TMEM132D: variants seen among roughly 807,000 people sequenced by gnomAD.
The protein encoded by TMEM132D is transmembrane protein 132D, also known as mature OL transmembrane protein.
Under a neutral mutation model 62.3 loss-of-function variants are expected in TMEM132D, and 21 were observed. The ratio of observed to expected loss-of-function variants is 0.34; its 90% CI spans 0.24 to 0.49. TMEM132D has a LOEUF of 0.49. TMEM132D is among the 20% of genes least tolerant of loss of function. The pLI, the probability that TMEM132D is intolerant of heterozygous loss-of-function variation, is 0.99. For synonymous variants in TMEM132D, 621 were observed against 575.6 expected (o/e 1.08, Z -1.13); for missense variants, 1,346 against 1,402.8 (o/e 0.96, Z 0.65).
At chr12:129,782,527 A>T (rs116074565) in intron 1 of TMEM132D, among the ~76,000 whole-genome samples, 2,046 of 152,348 alleles carry the variant, frequency 0.013, 55 homozygotes, top group African/African-American at 0.047. Context: ...ATGCTTACAA[A>T]GGCCCTAAAA....
chr12:129,669,780 A>T (rs1432876984), intron 2 of TMEM132D, among the ~76,000 whole-genome samples: 1 of 152,056 alleles, frequency 6.6e-6, no homozygotes, highest in Non-Finnish European at 1.5e-5. Flanking sequence ...TCATCCTAGG[A>T]CTCATTATTT....
At chr12:129,163,252 G>A (rs534738599) in intron 5 of TMEM132D, among the ~76,000 whole-genome samples, 2 of 152,340 alleles carry the variant, frequency 1.3e-5, no homozygotes, top group African/African-American at 4.8e-5. Flanking sequence ...AGCTAACAAT[G>A]CTAAAACAGC....
chr12:129,606,318 G>C (rs1463055373), intron 2 of TMEM132D, among the ~76,000 whole-genome samples: 1 of 152,130 alleles, frequency 6.6e-6, no homozygotes, highest in African/African-American at 2.4e-5. Context: ...CCTTGAGTAG[G>C]GCTTGGGGAA....
intron 3 of TMEM132D, among the ~76,000 whole-genome samples, chr12:129,422,095 T>TAAAAAAAAAAAAAAAAA (rs10633587): frequency 7.2e-6 from 1 of 139,540 alleles, no homozygotes; most frequent in African/African-American, 2.7e-5. Context: ...ACAGCAATGT[T>TAAAAAAAAAAAAAAAAA]AAAAAAAAAA....
chr12:129,411,780 T>A (rs1404200522), intron 3 of TMEM132D, among the ~76,000 whole-genome samples: 1 of 152,228 alleles, frequency 6.6e-6, no homozygotes, highest in Non-Finnish European at 1.5e-5. Context: ...TGTGACATCA[T>A]CATCTCGCTT....
At chr12:129,408,884 A>T (rs1307783066) in intron 3 of TMEM132D, among the ~76,000 whole-genome samples, 1 of 152,076 alleles carries the variant, frequency 6.6e-6, no homozygotes, top group Admixed American at 6.6e-5. Flanking sequence ...AGAGACTGGG[A>T]CACATACAAA....
At chr12:129,432,204 T>C in intron 3 of TMEM132D, among the ~76,000 whole-genome samples, 1 of 145,768 alleles carries the variant, frequency 6.9e-6, no homozygotes, top group African/African-American at 2.6e-5. Context: ...GATGGATGGT[T>C]GCATGGATGG....
intron 3 of TMEM132D, among the ~76,000 whole-genome samples, chr12:129,500,831 G>T (rs1436407113): frequency 6.6e-6 from 1 of 152,148 alleles, no homozygotes; most frequent in African/African-American, 2.4e-5. Context: ...TTTAATTCCT[G>T]CACCGATGAC....
intron 4 of TMEM132D, among the ~76,000 whole-genome samples, chr12:129,232,741 G>A (rs1231141142): frequency 2.0e-5 from 3 of 152,114 alleles, no homozygotes; most frequent in Non-Finnish European, 4.4e-5. Flanking sequence ...ATAGTTCCAC[G>A]TGGCTGGGGA....
intron 1 of TMEM132D, among the ~76,000 whole-genome samples, chr12:129,803,063 G>A (rs1393298532): frequency 2.0e-5 from 3 of 150,914 alleles, no homozygotes; most frequent in Admixed American, 6.6e-5. Context: ...CCTACAAAGA[G>A]ACTTAGACTC....
chr12:129,340,305 C>A (rs141014264), intron 3 of TMEM132D, among the ~76,000 whole-genome samples: 2,799 of 151,116 alleles, frequency 0.019, 83 homozygotes, highest in African/African-American at 0.063. Flanking sequence ...GTTGGGAATT[C>A]TTTTTCTTTT....
chr12:129,079,726 C>T (rs1340928637), intron 7 of TMEM132D, among the ~76,000 whole-genome samples: 3 of 152,154 alleles, frequency 2.0e-5, no homozygotes, highest in Admixed American at 1.3e-4. Flanking sequence ...CGAATGCCAC[C>T]TTCACTTTCT....
At chr12:129,507,845 A>T (rs1466200025) in intron 3 of TMEM132D, among the ~76,000 whole-genome samples, 4 of 152,186 alleles carry the variant, frequency 2.6e-5, no homozygotes. Context: ...CCTGTTCCCC[A>T]ATAACCTATG....
At chr12:129,718,889 T>A (rs1220825538) in intron 1 of TMEM132D, among the ~76,000 whole-genome samples, 1 of 152,000 alleles carries the variant, frequency 6.6e-6, no homozygotes, top group African/African-American at 2.4e-5. Flanking sequence ...TACGTTTTAG[T>A]TAGTATATTA....
At chr12:129,425,171 G>A (rs536196012) in intron 3 of TMEM132D, among the ~76,000 whole-genome samples, 10 of 152,232 alleles carry the variant, frequency 6.6e-5, no homozygotes, top group East Asian at 1.9e-4. Flanking sequence ...GTCTGTGTTC[G>A]TTCCAGTTTT....
intron 2 of TMEM132D, among the ~76,000 whole-genome samples, chr12:129,578,646 T>G (rs1877753324): frequency 6.6e-6 from 1 of 152,066 alleles, no homozygotes. Context: ...TGCAAGCTGG[T>G]GACCCAGGAA....
intron 4 of TMEM132D, among the ~76,000 whole-genome samples, chr12:129,231,908 G>A (rs551953894): frequency 6.6e-6 from 1 of 152,304 alleles, no homozygotes; most frequent in South Asian, 2.1e-4. Context: ...ATCCTCCATG[G>A]AGCTCTGACA....
chr12:129,224,168 G>C (rs1014005992), intron 4 of TMEM132D, among the ~76,000 whole-genome samples: 1 of 152,148 alleles, frequency 6.6e-6, no homozygotes, highest in Non-Finnish European at 1.5e-5. Flanking sequence ...ATAATACTTT[G>C]TGTCTCCTGG....
chr12:129,154,742 T>C (rs1413630092), intron 5 of TMEM132D, among the ~76,000 whole-genome samples: 1 of 152,228 alleles, frequency 6.6e-6, no homozygotes, highest in Non-Finnish European at 1.5e-5. Context: ...TTTTATTTTT[T>C]AAATTAGAAC....
Sources: gnomAD v4.1 joint callset for allele counts (sites outside exome capture counted in the v4.1 genomes callset) on GRCh38, gnomAD v4.1.1 for gene constraint, MANE v1.5 for transcripts, NCBI Gene and HGNC (gene_info 2026-07-23, HGNC 2026-07-21) for gene names.